Variants in NYAP2 observed in about 807,000 individuals in gnomAD.
NYAP2 encodes the protein neuronal tyrosine-phosphorylated phosphoinositide-3-kinase adaptor 2.
Under a neutral mutation model 50.4 loss-of-function variants are expected in NYAP2, and 23 were observed. That is an observed-to-expected ratio of 0.46 (90% confidence interval 0.33 to 0.65). The LOEUF is 0.65. Among genes scored for constraint, NYAP2 ranks in the 30% least tolerant of loss-of-function variants. NYAP2 has a pLI of 0.02. For synonymous variants in NYAP2, 394 were observed against 365.2 expected (o/e 1.08, Z -0.90); for missense variants, 885 against 861.0 (o/e 1.03, Z -0.35).
chr2:225,412,255 CTTTTTTT>C (rs560637948), intron 3 of NYAP2, among the ~76,000 whole-genome samples: 8,128 of 59,340 alleles, frequency 0.14, 471 homozygotes, highest in Middle Eastern at 0.3. Context: ...CTGCGCCCGG[CTTTTTTT>C]TTTTTTTTTT....
the NYAP2 span, among the ~76,000 whole-genome samples, chr2:225,663,733 T>C: frequency 3.3e-5 from 5 of 152,112 alleles, no homozygotes; most frequent in Admixed American, 6.5e-5. Context: ...AATTTTTGTA[T>C]TTTTAGTAGA....
intron 6 of NYAP2, among the ~76,000 whole-genome samples, chr2:225,630,078 A>G (rs1443471174): frequency 6.6e-6 from 1 of 152,170 alleles, no homozygotes; most frequent in African/African-American, 2.4e-5. Flanking sequence ...GAAGATGAAG[A>G]AAAAAGTCAG....
intron 3 of NYAP2, among the ~76,000 whole-genome samples, chr2:225,443,439 C>T (rs756567523): frequency 1.3e-5 from 2 of 152,106 alleles, no homozygotes; most frequent in Non-Finnish European, 2.9e-5. Context: ...TGGGAGCAGA[C>T]ATAGGTTGCC....
At chr2:225,591,224 A>G (rs1440055763) in intron 5 of NYAP2, among the ~76,000 whole-genome samples, 1 of 152,166 alleles carries the variant, frequency 6.6e-6, no homozygotes, top group Admixed American at 6.5e-5. Flanking sequence ...CACAGGCAAT[A>G]GGAGAGAATG....
At chr2:225,623,189 C>A (rs1693153159) in intron 5 of NYAP2, among the ~76,000 whole-genome samples, 1 of 152,126 alleles carries the variant, frequency 6.6e-6, no homozygotes, top group Admixed American at 6.5e-5. Flanking sequence ...AAGAGACAGG[C>A]AAAGGCTATT....
chr2:225,464,801 T>G (rs1689890380), intron 3 of NYAP2, among the ~76,000 whole-genome samples: 1 of 152,212 alleles, frequency 6.6e-6, no homozygotes, highest in African/African-American at 2.4e-5. Flanking sequence ...TGTGCCCTCA[T>G]TTTGCAAAGG....
chr2:225,551,178 G>A (rs985956534), intron 4 of NYAP2, among the ~76,000 whole-genome samples: 20 of 152,160 alleles, frequency 1.3e-4, no homozygotes, highest in African/African-American at 4.8e-4. Context: ...GTGACCCCTA[G>A]TGAATTTCAC....
chr2:225,461,617 C>A (rs964076150), intron 3 of NYAP2, among the ~76,000 whole-genome samples: 1 of 152,114 alleles, frequency 6.6e-6, no homozygotes, highest in African/African-American at 2.4e-5. Flanking sequence ...TAGCTTGTAC[C>A]ATATTTTATT....
rs777054716 is a variant in NYAP2, at chr2:225,513,506, G to A, written c.357G>A (p.Gln119=). The A allele has an allele frequency of 2.5e-6, 4 of 1,613,874 alleles. No homozygotes were observed. The South Asian group carries it at 4.4e-5, about 18-fold the overall frequency. ...CCAGTGGCTTTTCTGTGAGATCACA[G>A]TCCCTGCACTCGGTTGGGGGCACAG... The change falls in exon 4 of 7, where the codon CAG becomes CAA. Residue 119 remains glutamine (Q), a synonymous_variant. Coordinates refer to ENST00000636099, the Ensembl canonical transcript of NYAP2.
downstream of NYAP2, among the ~76,000 whole-genome samples, chr2:225,656,373 CT>C (rs1257405556): frequency 6.6e-6 from 1 of 152,200 alleles, no homozygotes; most frequent in Non-Finnish European, 1.5e-5. Flanking sequence ...AGCCCCGTTC[CT>C]TTCAACTTGT....
At chr2:225,447,356 C>T (rs892173298) in intron 3 of NYAP2, among the ~76,000 whole-genome samples, 6 of 152,092 alleles carry the variant, frequency 3.9e-5, no homozygotes, top group African/African-American at 1.4e-4. Flanking sequence ...GTAATTTTCA[C>T]TAATATCTAA....
At chr2:225,674,450 A>C in the NYAP2 span, among the ~76,000 whole-genome samples, 1 of 152,084 alleles carries the variant, frequency 6.6e-6, no homozygotes, top group African/African-American at 2.4e-5. Flanking sequence ...AAAATTGACA[A>C]GGAATCTTTG....
chr2:225,458,119 T>G (rs1206586032), intron 3 of NYAP2, among the ~76,000 whole-genome samples: 3 of 151,990 alleles, frequency 2.0e-5, no homozygotes, highest in Admixed American at 1.3e-4. Flanking sequence ...TTGAAGAAAA[T>G]GTAAAATTAG....
At chr2:225,580,876 A>C (rs1005829339) in intron 4 of NYAP2, among the ~76,000 whole-genome samples, 18 of 152,128 alleles carry the variant, frequency 1.2e-4, no homozygotes, top group African/African-American at 4.3e-4. Context: ...CTGTCAACTC[A>C]CTATATGCTA....
chr2:225,482,038 A>C (rs1010925590), intron 3 of NYAP2, among the ~76,000 whole-genome samples: 1 of 152,184 alleles, frequency 6.6e-6, no homozygotes, highest in Non-Finnish European at 1.5e-5. Context: ...TACTGTAATG[A>C]GAGTAGAATT....
intron 3 of NYAP2, among the ~76,000 whole-genome samples, chr2:225,500,654 T>A (rs1275632507): frequency 1.3e-5 from 2 of 152,210 alleles, no homozygotes; most frequent in Admixed American, 6.5e-5. Flanking sequence ...AAGAAGCACA[T>A]ATTACAAATG....
intron 4 of NYAP2, among the ~76,000 whole-genome samples, chr2:225,575,126 G>C (rs1378589794): frequency 1.3e-5 from 2 of 152,072 alleles, no homozygotes; most frequent in East Asian, 3.9e-4. Flanking sequence ...AGTTTCATGA[G>C]GTACATTTCG....
At chr2:225,660,466 C>T in the NYAP2 span, among the ~76,000 whole-genome samples, 1 of 133,076 alleles carries the variant, frequency 7.5e-6, no homozygotes, top group Non-Finnish European at 1.6e-5. Flanking sequence ...TTTTGCCAAC[C>T]TCAGCATTTA....
At chr2:225,467,163 G>A (rs929687131) in intron 3 of NYAP2, among the ~76,000 whole-genome samples, 2 of 152,080 alleles carry the variant, frequency 1.3e-5, no homozygotes, top group African/African-American at 4.8e-5. Flanking sequence ...GGAGTTGTAC[G>A]CATACTCACT....
Sources: gnomAD v4.1 joint callset for allele counts (sites outside exome capture counted in the v4.1 genomes callset) on GRCh38, gnomAD v4.1.1 for gene constraint, MANE v1.5 for transcripts, NCBI Gene and HGNC (gene_info 2026-07-23, HGNC 2026-07-21) for gene names.